ST14: variants seen among roughly 807,000 people sequenced by gnomAD.
ST14 encodes suppressor of tumorigenicity 14 protein.
A neutral mutation model predicts 96.5 loss-of-function variants in ST14; 40 were observed. That is an observed-to-expected ratio of 0.41 (90% CI 0.32 to 0.54). ST14 has a LOEUF of 0.54. Ranked by LOEUF, ST14 falls within the 20% of genes least tolerant of loss-of-function variation. The pLI, the probability that ST14 is intolerant of heterozygous loss-of-function variation, is 0.17. For synonymous variants in ST14, 506 were observed against 492.1 expected, an observed-to-expected ratio of 1.03 and a Z score of -0.37; for missense variants, 1,066 against 1,188.9, an observed-to-expected ratio of 0.90 and a Z score of 1.52.
In ST14 at chr11:130,198,518, C is replaced by T. The variant is rs559120494; in HGVS notation, c.1581C>T (p.Ala527=). 4 of 1,614,022 alleles carry T rather than the reference C, an allele frequency of 2.5e-6. No homozygotes were observed. The highest frequency in any genetic ancestry group is 1.7e-5 in the Admixed American group (1 of 60,024). Residue 527 remains alanine (A), a synonymous_variant, in exon 14 of 19, where the codon GCC becomes GCT. Transcript: ENST00000278742. ...NSDEQGCSCP[A]QTFRCSNGKC... ...CTGGTGCCTCTCCAGGTTGTCCGGC[C>T]CAGACCTTCAGGTGTTCCAATGGGA...
At chr11:130,179,775 G>A (rs1025078809) in intron 1 of ST14, among the ~76,000 whole-genome samples, 1 of 152,172 alleles carries the variant, frequency 6.6e-6, no homozygotes, top group Middle Eastern at 3.2e-3. Context: ...GTTTGTTCTT[G>A]GCAGTCATTC....
Position 130,188,976 on chromosome 11 carries a change from A to G in ST14, c.440+37A>G, listed in dbSNP as rs1342583921. The G allele has an allele frequency of 1.3e-6, 2 of 1,586,902 alleles. No individual in the cohort carries two copies. Among genetic ancestry groups the G allele is most frequent in the Non-Finnish European group, 1.7e-6 (2 of 1,165,188 alleles). The stretch of plus-strand genomic sequence containing the variant: ...GAGAAGGCTCAGTGGGATGCACCCC[A>G]GACTGGCTGGGAGTAGGATCGGGGT... On this transcript the variant is annotated intron_variant, in intron 4 of 18. Coordinates refer to ENST00000278742, the MANE Select transcript of ST14 (RefSeq NM_021978.4). This position sits in a 1 kb window ranked among gnomAD's most constrained non-coding sequence, Gnocchi z 5.4.
At chr11:130,198,039 C>T in intron 12 of ST14, 94 bp downstream of exon 12, 1 of 1,342,026 alleles carries the variant, frequency 7.5e-7, no homozygotes, top group Non-Finnish European at 1.0e-6. Flanking sequence ...GGCAGAAAGG[C>T]CGGAGGTGGT....
intron 8 of ST14, 103 bp from the exon 9 acceptor site, chr11:130,194,537 G>A (rs770090380): frequency 2.1e-5 from 27 of 1,266,668 alleles, no homozygotes; most frequent in Non-Finnish European, 2.6e-5. Context: ...CAGCATCCAC[G>A]CGTCCAGGAG....
chr11:130,203,661 T>C (rs1274015310), intron 16 of ST14, among the ~76,000 whole-genome samples: 1 of 151,300 alleles, frequency 6.6e-6, no homozygotes, highest in Non-Finnish European at 1.5e-5. Context: ...CTCTTTTTTC[T>C]TTTTTTTTGA....
At chr11:130,200,664 C>T (rs1283756809) in intron 16 of ST14, among the ~76,000 whole-genome samples, 4 of 152,278 alleles carry the variant, frequency 2.6e-5, no homozygotes, top group East Asian at 3.9e-4. Flanking sequence ...TATCCCAGGA[C>T]GGGGCTCAAT....
At chr11:130,171,331 T>A (rs1383614078) in intron 1 of ST14, among the ~76,000 whole-genome samples, 3 of 152,240 alleles carry the variant, frequency 2.0e-5, no homozygotes, top group African/African-American at 7.2e-5. Context: ...GAACACTTAA[T>A]ACAAGATCTC....
intron 1 of ST14, among the ~76,000 whole-genome samples, chr11:130,177,052 C>T (rs1232704157): frequency 6.6e-6 from 1 of 151,646 alleles, no homozygotes; most frequent in Non-Finnish European, 1.5e-5. Context: ...CCTGCCTTGG[C>T]CTCCCAGAGT....
At position 130,197,844 on chromosome 11, in the gene ST14, G is replaced by C; in HGVS notation, c.1358G>C (p.Cys453Ser). The change falls in exon 12 of 19, where the codon TGC becomes TCC. Residue 453 changes from cysteine (C) to serine (S), a missense_variant. Coordinates refer to ENST00000278742, the MANE Select transcript of ST14 (RefSeq NM_021978.4). ...TCAGGCCTGCCTGTGCCCGCAGCATGCCCGGGGCAGTTCACGTGCCGCACG... is the reference window on the plus strand; with the variant it reads ...TCAGGCCTGCCTGTGCCCGCAGCATCCCCGGGGCAGTTCACGTGCCGCACG... Reference protein sequence around the residue: ...EYLSYDSSDPCPGQFTCRTGR... With the variant: ...EYLSYDSSDPSPGQFTCRTGR... 2.5e-6 allele frequency: 4 copies of C among 1,573,374 alleles called. No individual in the cohort carries two copies. The highest frequency in any genetic ancestry group is 3.4e-6 in the Non-Finnish European group (4 of 1,163,630).
intron 1 of ST14, among the ~76,000 whole-genome samples, chr11:130,178,826 G>T (rs1953164736): frequency 6.6e-6 from 1 of 152,178 alleles, no homozygotes; most frequent in African/African-American, 2.4e-5. Flanking sequence ...GGGAAAGGTG[G>T]GCGGGCCGGG....
chr11:130,190,288 C>T, intron 6 of ST14, 140 bp downstream of exon 6: 2 of 1,476,268 alleles, frequency 1.4e-6, no homozygotes, highest in Non-Finnish European at 1.9e-6. Flanking sequence ...CTTCCTCTTC[C>T]AGGCCCTTCT....
At chr11:130,197,767 C>G in intron 11 of ST14, 74 bp from the exon 12 acceptor site, 14 of 1,329,710 alleles carry the variant, frequency 1.1e-5, no homozygotes, top group East Asian at 2.5e-5. Context: ...GAGGTTGGCC[C>G]GAGGGAGGGA....
chr11:130,198,109 A>G (rs1045736941), intron 12 of ST14, among the ~76,000 whole-genome samples, 164 bp downstream of exon 12: 2 of 152,022 alleles, frequency 1.3e-5, no homozygotes, highest in Non-Finnish European at 2.9e-5. Flanking sequence ...ACCCTGCCAT[A>G]TGGAGATCTT....
intron 1 of ST14, among the ~76,000 whole-genome samples, chr11:130,164,405 A>T (rs1041627039): frequency 6.6e-6 from 1 of 151,392 alleles, no homozygotes; most frequent in Non-Finnish European, 1.5e-5. Context: ...CTTCTCAGAG[A>T]CAAGTGTTGT....
At position 130,187,051 on chromosome 11, in the gene ST14, T is replaced by C. The variant is rs1953244095; in HGVS notation, c.82-1063T>C. Among the ~76,000 whole-genome samples, 2 of 152,136 alleles carry C rather than the reference T, an allele frequency of 1.3e-5. No homozygotes were observed. The highest frequency in any genetic ancestry group is 6.5e-5 in the Admixed American group (1 of 15,276). ...TGGGTAAATGTGACAAACCAAGACA[T>C]ATCAGCTTAAATTTACACTGTCGAA... is the stretch of plus-strand genomic sequence containing the variant. On this transcript the variant is annotated intron_variant, in intron 1 of 18. Coordinates refer to ENST00000278742, the MANE Select transcript of ST14 (RefSeq NM_021978.4). This position sits in a 1 kb window ranked among gnomAD's most constrained non-coding sequence, Gnocchi z 4.5.
chr11:130,199,751 G>A (rs1373952007), intron 15 of ST14, among the ~76,000 whole-genome samples, 200 bp from the exon 16 acceptor site: 1 of 152,224 alleles, frequency 6.6e-6, no homozygotes, highest in Non-Finnish European at 1.5e-5. Flanking sequence ...GCGGGGAGAA[G>A]GAGGGGCATG....
intron 1 of ST14, among the ~76,000 whole-genome samples, chr11:130,175,615 A>G (rs545697408): frequency 2.6e-5 from 4 of 151,224 alleles, no homozygotes; most frequent in African/African-American, 7.3e-5. Flanking sequence ...TCCTGACCTC[A>G]GGTGATCTGC....
intron 1 of ST14, among the ~76,000 whole-genome samples, chr11:130,172,978 A>G (rs1374934368): frequency 6.6e-6 from 1 of 151,884 alleles, no homozygotes; most frequent in Non-Finnish European, 1.5e-5. Context: ...GCCTGACACA[A>G]CTCTCTTCTT....
intron 7 of ST14, among the ~76,000 whole-genome samples, chr11:130,191,326 T>C (rs1369181092): frequency 2.0e-5 from 3 of 151,976 alleles, no homozygotes; most frequent in Non-Finnish European, 4.4e-5. Context: ...AGAAAGAACC[T>C]GCCTCAGGCC....
Sources: gnomAD v4.1 joint callset for allele counts (sites outside exome capture counted in the v4.1 genomes callset) on GRCh38, gnomAD v4.1.1 for gene constraint, Gnocchi (gnomAD v3.1) non-coding constraint, MANE v1.5 for transcripts, NCBI Gene and HGNC (gene_info 2026-07-23, HGNC 2026-07-21) for gene names.